The following MSH6 variants were observed in gnomAD, a reference collection of about 807,000 sequenced individuals.
MSH6 encodes the protein mutS homolog 6.
In MSH6, 85 loss-of-function variants were observed where a neutral mutation model predicts 119.1. That is an observed-to-expected ratio of 0.71 (90% CI 0.60 to 0.85). The LOEUF (loss-of-function observed/expected upper bound fraction) is 0.85, where lower values mean the gene tolerates loss of function less well. Ranked by LOEUF, MSH6 falls within the 40% of genes least tolerant of loss-of-function variation. MSH6 has a pLI of 0.00. For synonymous variants in MSH6, 830 were observed against 586.9 expected (o/e 1.41, Z -5.99); for missense variants, 2,163 against 1,655.3 (o/e 1.31, Z -5.32).
intron 1 of MSH6, among the ~76,000 whole-genome samples, chr2:47,788,946 T>TTTTTTTTTTTTTTTTTTTTTG (rs1553409740): frequency 1.7e-5 from 2 of 115,830 alleles, no homozygotes; most frequent in Non-Finnish European, 3.5e-5. Flanking sequence ...TTTTTTTTTT[T>TTTTTTTTTTTTTTTTTTTTTG]TGTGAGACGG....
At chr2:47,803,011 A>C (rs922023463) in intron 4 of MSH6, among the ~76,000 whole-genome samples, 1 of 152,110 alleles carries the variant, frequency 6.6e-6, no homozygotes, top group Non-Finnish European at 1.5e-5. Flanking sequence ...TCCCAGGTTC[A>C]AGTGATTCTC....
chr2:47,795,401 G>C (rs1285991502), intron 2 of MSH6, among the ~76,000 whole-genome samples: 2 of 132,452 alleles, frequency 1.5e-5, no homozygotes, highest in Admixed American at 1.4e-4. Flanking sequence ...TGAGTCAAGT[G>C]TCCAGCCAAC....
At chr2:47,783,707 G>A in intron 1 of MSH6, 2 of 530,280 alleles carry the variant, frequency 3.8e-6, no homozygotes, top group Admixed American at 4.3e-5. Context: ...GAGAGAGGCT[G>A]TGCAGGAAGA....
chr2:47,791,740 G>A (rs1447600911), intron 2 of MSH6, among the ~76,000 whole-genome samples: 2 of 148,880 alleles, frequency 1.3e-5, no homozygotes, highest in African/African-American at 5.0e-5. Flanking sequence ...GTGCAGTGGC[G>A]CAATCTCGGC....
intron 4 of MSH6, chr2:47,801,416 T>C: frequency 2.7e-6 from 1 of 364,862 alleles, no homozygotes; most frequent in Non-Finnish European, 4.8e-6. Flanking sequence ...TTGCCCAGGC[T>C]AGAATATGGT....
At chr2:47,801,279 T>A in intron 4 of MSH6, 124 bp downstream of exon 4, 3 of 1,024,708 alleles carry the variant, frequency 2.9e-6, no homozygotes, top group Non-Finnish European at 4.4e-6. Flanking sequence ...ATATACATAT[T>A]TGCATCCTGA....
Position 47,800,510 on chromosome 2 carries a change from A to G in MSH6, c.2527A>G (p.Ile843Val), listed in dbSNP as rs1060502922. 4 of 1,613,140 alleles carry G rather than the reference A, an allele frequency of 2.5e-6. No homozygotes were observed. Among genetic ancestry groups the G allele is most frequent in the Non-Finnish European group, 3.4e-6 (4 of 1,179,812 alleles). Residue 843 changes from isoleucine (I) to valine (V), a missense_variant, in exon 4 of 10, where the codon ATA becomes GTA. Coordinates refer to ENST00000234420, the MANE Select transcript of MSH6 (RefSeq NM_000179.3). ...KSQNHPDSRA[I>V]MYEETTYSKK... ...TCAGAACCACCCAGACAGCAGGGCT[A>G]TAATGTATGAAGAAACTACATACAG... is the stretch of plus-strand genomic sequence containing the variant.
rs1572750549 is a variant in MSH6, at chr2:47,806,857, A to ATAGAC, written c.4082_*3dup. The ATAGAC allele has an allele frequency of 1.2e-6, 2 of 1,608,478 alleles. No individual in the cohort carries two copies. Among genetic ancestry groups the ATAGAC allele is most frequent in the Non-Finnish European group, 8.5e-7 (1 of 1,175,612 alleles). On this transcript the variant is annotated frameshift_variant and stop_retained_variant, in exon 10 of 10. Transcript: ENST00000234420. LOFTEE classifies it high-confidence loss of function. ...AATTGCTGACTTTGATTAAGGAATT[A>ATAGAC]TAGACTGACTACATTGGAAGCTTTG...
At chr2:47,788,934 T>TTTTTTTTTTG (rs1668553756) in intron 1 of MSH6, among the ~76,000 whole-genome samples, 3 of 99,650 alleles carry the variant, frequency 3.0e-5, no homozygotes, top group African/African-American at 4.5e-5. Context: ...TTTTTTTTTT[T>TTTTTTTTTTG]TTTTTTTTTT....
chr2:47,792,806 C>A (rs1182378133), intron 2 of MSH6, among the ~76,000 whole-genome samples: 1 of 149,438 alleles, frequency 6.7e-6, no homozygotes, highest in Non-Finnish European at 1.5e-5. Flanking sequence ...GTAACCGGGA[C>A]TAGAGGTGTC....
In MSH6 at chr2:47,801,084, G is replaced by A. The variant is rs181727939; in HGVS notation, c.3101G>A (p.Arg1034Gln). 8.1e-6 allele frequency: 13 copies of A among 1,611,110 alleles called. No homozygotes were observed. In the Admixed American group the frequency reaches 8.4e-5, roughly 10 times the overall value. Residue 1034 changes from arginine to glutamine, a missense_variant, in exon 4 of 10, where the codon CGG becomes CAG. Coordinates refer to ENST00000234420, the MANE Select transcript of MSH6 (RefSeq NM_000179.3). ...GATGTATCATTGAAGGACTGCATGC[G>A]GCGACTGTTCTATAACTTTGATAAA... is the stretch of plus-strand genomic sequence containing the variant. Reference protein sequence around the residue: ...RRDVSLKDCMRRLFYNFDKNY... With the variant: ...RRDVSLKDCMQRLFYNFDKNY...
Position 47,805,823 on chromosome 2 carries a change from C to G in MSH6, c.3646+116C>G. The G allele has an allele frequency of 4.7e-6, 4 of 849,562 alleles. No homozygotes were observed. The South Asian group carries it at 5.6e-5, about 12-fold the overall frequency. The allele number at this position is 849,562 out of a possible 1,614,324, so 52.6% of individuals were successfully genotyped here. ...TTAAACAATATGAATGTTTTTAGAGCACGCACTCACCATTGTGGCACAGAC... is the reference window on the plus strand; with the variant it reads ...TTAAACAATATGAATGTTTTTAGAGGACGCACTCACCATTGTGGCACAGAC... On this transcript the variant is annotated intron_variant, in intron 7 of 9. Coordinates refer to ENST00000234420, the MANE Select transcript of MSH6 (RefSeq NM_000179.3).
chr2:47,791,661 A>G (rs1668735825), intron 2 of MSH6, among the ~76,000 whole-genome samples: 1 of 149,654 alleles, frequency 6.7e-6, no homozygotes, highest in Admixed American at 6.7e-5. Context: ...CTCTTGTACA[A>G]GTTCTCTTTC....
chr2:47,798,716 A>G lies in MSH6; in HGVS notation c.733A>G (p.Ile245Val), dbSNP rs762168786. 5 of 1,614,080 alleles carry G rather than the reference A, an allele frequency of 3.1e-6. No individual in the cohort carries two copies. The highest frequency in any genetic ancestry group is 3.3e-4 in the Middle Eastern group (2 of 6,084). The change falls in exon 4 of 10, where the codon ATA becomes GTA. Residue 245 changes from isoleucine (I) to valine (V), a missense_variant. Ile to Val is a conservative substitution (Grantham distance 29). Coordinates refer to ENST00000234420, the MANE Select transcript of MSH6 (RefSeq NM_000179.3). The stretch of plus-strand genomic sequence containing the variant: ...AGGATCTAGGCGAAGTAGCCGCCAA[A>G]TAAAAAAACGAAGGGTCATATCAGA... ...TQGSRRSSRQ[I>V]KKRRVISDSE... is the part of the protein sequence containing the mutation.
chr2:47,804,304 G>T (rs1249622480), intron 5 of MSH6, among the ~76,000 whole-genome samples: 2 of 152,046 alleles, frequency 1.3e-5, no homozygotes, highest in Non-Finnish European at 2.9e-5. Flanking sequence ...TTATGGCATT[G>T]TATTTATCTT....
chr2:47,800,104 A>C lies in MSH6; in HGVS notation c.2121A>C (p.Glu707Asp). The C allele has an allele frequency of 6.2e-7, 1 of 1,614,200 alleles. No homozygotes were observed. Among genetic ancestry groups the C allele is most frequent in the Non-Finnish European group, 8.5e-7 (1 of 1,180,028 alleles). ...AGCTTTTATCAATGGCTAATTTTGA[A>C]GAATATATTCCCTTGGATTCTGACA... ...DQELLSMANF[E>D]EYIPLDSDTV... Residue 707 changes from glutamate to aspartate, a missense_variant, in exon 4 of 10, where the codon GAA (glutamate) becomes GAC (aspartate). Transcript: ENST00000234420.
At position 47,783,327 on chromosome 2, in the gene MSH6, G is replaced by T. The variant is rs776859837; in HGVS notation, c.94G>T (p.Gly32Cys). The change falls in exon 1 of 10, where the codon GGC (glycine) becomes TGC (cysteine). Residue 32 changes from glycine (G) to cysteine (C), a missense_variant. By Grantham distance (159) the Gly-to-Cys change is radical (BLOSUM62 -3). Transcript: ENST00000234420. ...KASARASREGGRAAAAPGASP... is the reference protein window; with the variant it reads ...KASARASREGCRAAAAPGASP... ...CTCGGCCAGGGCCTCACGCGAAGGC[G>T]GCCGTGCCGCCGCTGCCCCCGGGGC... is the stretch of plus-strand genomic sequence containing the variant. 1.4e-5 allele frequency: 22 copies of T among 1,610,232 alleles called. No homozygotes were observed. The highest frequency in any genetic ancestry group is 4.0e-5 in the African/African-American group (3 of 74,768).
At chr2:47,798,559 A>G (rs1268757660) in intron 3 of MSH6, 52 bp from the exon 4 acceptor site, 3 of 1,588,670 alleles carry the variant, frequency 1.9e-6, no homozygotes, top group African/African-American at 2.7e-5. Flanking sequence ...GTCTTACATT[A>G]TGGTTTTCCA....
downstream of MSH6, chr2:47,809,036 G>C: frequency 3.3e-6 from 2 of 601,206 alleles, no homozygotes; most frequent in South Asian, 4.3e-5. Context: ...GTAGATTGAT[G>C]ATAAAATTTT....
Sources: allele counts gnomAD v4.1 joint callset (sites outside exome capture counted in the v4.1 genomes callset), GRCh38; gene constraint gnomAD v4.1.1; transcripts MANE v1.5; gene names NCBI Gene and HGNC (gene_info 2026-07-23, HGNC 2026-07-21).